PCDHA5: variants seen among roughly 807,000 people sequenced by gnomAD.
PCDHA5 encodes the protein protocadherin alpha-5.
In PCDHA5, 43 loss-of-function variants were observed where a neutral mutation model predicts 61.6. The ratio of observed to expected loss-of-function variants is 0.70; its 90% CI spans 0.55 to 0.90. PCDHA5 has a LOEUF of 0.90. Ranked by LOEUF, PCDHA5 falls within the 40% of genes least tolerant of loss-of-function variation. The pLI is 0.00. For missense variants in PCDHA5, 1,298 were observed against 1,222.7 expected (o/e 1.06, Z -0.92); for synonymous variants, 627 against 543.9 (o/e 1.15, Z -2.13).
intron 1 of PCDHA5, among the ~76,000 whole-genome samples, chr5:140,952,946 G>A (rs2094822679): frequency 6.6e-6 from 1 of 152,070 alleles, no homozygotes; most frequent in African/African-American, 2.4e-5. Flanking sequence ...AAGAGAGAGA[G>A]AAGGGGGAAG....
In PCDHA5 at chr5:141,010,049, C is replaced by G. The variant is rs1554262651; in HGVS notation, c.*112C>G. 7 of 1,597,692 alleles carry G rather than the reference C, an allele frequency of 4.4e-6. No individual in the cohort carries two copies. The highest frequency in any genetic ancestry group is 1.3e-5 in the African/African-American group (1 of 74,172). On this transcript the variant is annotated 3_prime_UTR_variant, in exon 4 of 4. Coordinates refer to ENST00000529859, the MANE Select transcript of PCDHA5 (RefSeq NM_018908.3). ...TATCTACATGAGCCCTCTTAGAGAC[C>G]TCAGAAATCTGCAGAAAGTTCCCTG...
intron 1 of PCDHA5, among the ~76,000 whole-genome samples, chr5:140,898,172 G>A (rs1262400829): frequency 2.6e-5 from 4 of 152,162 alleles, no homozygotes; most frequent in African/African-American, 9.7e-5. Context: ...TTCTTTTGCT[G>A]TGCAGAAGCT....
intron 1 of PCDHA5, among the ~76,000 whole-genome samples, chr5:140,953,994 A>G (rs1464982369): frequency 6.6e-6 from 1 of 151,886 alleles, no homozygotes; most frequent in Non-Finnish European, 1.5e-5. Flanking sequence ...TTTCATGTGT[A>G]CTCATCATTC....
rs139576828 is a variant in PCDHA5 at position 140,850,837 on chromosome 5, G to T, written c.2352+26710G>T. 6 of 1,597,642 alleles carry T rather than the reference G, an allele frequency of 3.8e-6. No individual in the cohort carries two copies. In the African/African-American group the frequency reaches 8.1e-5, roughly 21 times the overall value. On this transcript the variant is annotated intron_variant, in intron 1 of 3. Transcript: ENST00000529859. The stretch of plus-strand genomic sequence containing the variant: ...AGCCCGGGCCTTTCTCCTTGTGCTG[G>T]ATCTACAGAGCGAACGGGAGAACCC...
At chr5:140,927,072 C>A in intron 1 of PCDHA5, 2 of 1,610,790 alleles carry the variant, frequency 1.2e-6, no homozygotes, top group Non-Finnish European at 1.7e-6. Flanking sequence ...TCCTTTCCAG[C>A]CACCGCGAGC....
chr5:140,927,756 T>G (rs782307164), intron 1 of PCDHA5: 2 of 1,614,012 alleles, frequency 1.2e-6, no homozygotes, highest in South Asian at 1.1e-5. Flanking sequence ...ACGTGCACCC[T>G]AAAAGTGGGG....
chr5:140,916,090 G>A (rs1464191226), intron 1 of PCDHA5, among the ~76,000 whole-genome samples: 1 of 152,160 alleles, frequency 6.6e-6, no homozygotes, highest in African/African-American at 2.4e-5. Context: ...TGGTCCACAG[G>A]GAATCTGCCT....
chr5:141,002,374 C>T (rs1228476890), intron 3 of PCDHA5, among the ~76,000 whole-genome samples: 1 of 152,220 alleles, frequency 6.6e-6, no homozygotes, highest in Non-Finnish European at 1.5e-5. Context: ...CTCATTCTGG[C>T]TTAGGGCTCC....
rs781950915 is a variant in PCDHA5 at position 140,855,998 on chromosome 5, G to A, written c.2352+31871G>A. On this transcript the variant is annotated intron_variant, in intron 1 of 3. Coordinates refer to ENST00000529859, the MANE Select transcript of PCDHA5 (RefSeq NM_018908.3). ...TAGGACAGAAAATGTCAGATCGTAT[G>A]TGCGTTCTAGACCGCTGATTCGTCG... 3.7e-5 allele frequency: 56 copies of A among 1,511,288 alleles called. 3 individuals are homozygous for A. Among genetic ancestry groups the A allele is most frequent in the Non-Finnish European group, 4.9e-5 (55 of 1,120,558 alleles). 93.6% of individuals were successfully genotyped at this position (1,511,288 alleles called of 1,614,324 possible). A position where few individuals can be genotyped will look rare whatever the true frequency, so the allele number is the denominator to read the frequency against.
intron 1 of PCDHA5, among the ~76,000 whole-genome samples, chr5:140,936,829 CTA>C (rs1370139349): frequency 5.9e-5 from 9 of 152,026 alleles, no homozygotes; most frequent in African/African-American, 1.7e-4. Flanking sequence ...CTTTGCATTT[CTA>C]TATAAATTGT....
chr5:140,877,719 T>G (rs782112072), intron 1 of PCDHA5: 2 of 1,614,102 alleles, frequency 1.2e-6, no homozygotes, highest in South Asian at 1.1e-5. Context: ...GGAGTTGGTC[T>G]TACTCGCAGC....
intron 3 of PCDHA5, among the ~76,000 whole-genome samples, chr5:140,997,807 G>A (rs557351308): frequency 4.5e-4 from 68 of 152,118 alleles, no homozygotes; most frequent in African/African-American, 1.5e-3. Context: ...CCAATTTGCT[G>A]TTGGTATCTA....
intron 1 of PCDHA5, among the ~76,000 whole-genome samples, chr5:140,923,821 G>A (rs1009668330): frequency 1.3e-5 from 2 of 152,148 alleles, no homozygotes; most frequent in African/African-American, 2.4e-5. Flanking sequence ...GAAAATAGAC[G>A]TCAGTGGCAG....
At chr5:140,854,994 G>A (rs1261400565) in intron 1 of PCDHA5, among the ~76,000 whole-genome samples, 3 of 149,538 alleles carry the variant, frequency 2.0e-5, no homozygotes, top group Non-Finnish European at 4.5e-5. Context: ...CTTTTTGCCC[G>A]TGTAAGATAT....
intron 1 of PCDHA5, chr5:140,967,968 G>A: frequency 3.1e-6 from 5 of 1,614,218 alleles, no homozygotes; most frequent in Non-Finnish European, 4.2e-6. Flanking sequence ...CGGAAAGTGA[G>A]CCTGGGTCTG....
intron 1 of PCDHA5, among the ~76,000 whole-genome samples, chr5:140,975,269 T>A (rs1348655604): frequency 1.3e-5 from 2 of 152,252 alleles, no homozygotes; most frequent in African/African-American, 4.8e-5. Context: ...CTGATTTCTG[T>A]CTCTGACCTC....
intron 3 of PCDHA5, among the ~76,000 whole-genome samples, chr5:141,001,133 A>G (rs2097993653): frequency 6.6e-6 from 1 of 152,034 alleles, no homozygotes; most frequent in Non-Finnish European, 1.5e-5. Flanking sequence ...AAACAAATGA[A>G]TCTTCTGTTG....
At chr5:140,976,992 A>G (rs1421149242) in intron 1 of PCDHA5, among the ~76,000 whole-genome samples, 3 of 152,200 alleles carry the variant, frequency 2.0e-5, no homozygotes, top group Admixed American at 2.0e-4. Context: ...TTACTGCCAT[A>G]AGAAATCTTG....
rs2150264019 is a variant in PCDHA5 at position 140,836,559 on chromosome 5, C to T, written c.2352+12432C>T. ...GTACACGGCGTTGCGGTGCTCAGCG[C>T]CGTCCTCTGAGGGCGCATGTAGTTT... On this transcript the variant is annotated intron_variant, in intron 1 of 3. Coordinates refer to ENST00000529859, the MANE Select transcript of PCDHA5 (RefSeq NM_018908.3). The T allele has an allele frequency of 2.8e-5, 45 of 1,613,622 alleles. No individual in the cohort carries two copies. Among genetic ancestry groups the T allele is most frequent in the Non-Finnish European group, 3.6e-5 (43 of 1,179,846 alleles).
Sources: gnomAD v4.1 joint callset for allele counts (sites outside exome capture counted in the v4.1 genomes callset) on GRCh38, gnomAD v4.1.1 for gene constraint, MANE v1.5 for transcripts, NCBI Gene and HGNC (gene_info 2026-07-23, HGNC 2026-07-21) for gene names.